FHIT: variants seen among roughly 807,000 people sequenced by gnomAD.
The protein encoded by FHIT is bis(5'-adenosyl)-triphosphatase.
A neutral mutation model predicts 17.9 loss-of-function variants in FHIT; 19 were observed. That is an observed-to-expected ratio of 1.06 (90% CI 0.74 to 1.56). FHIT has a LOEUF of 1.56. Ranked by LOEUF, FHIT falls within the 40% of genes most tolerant of loss-of-function variation. The pLI, the probability that FHIT is intolerant of heterozygous loss-of-function variation, is 0.00. For missense variants in FHIT, 248 were observed against 189.2 expected (o/e 1.31, Z -1.82); for synonymous variants, 81 against 69.7 (o/e 1.16, Z -0.81).
chr3:59,845,023 T>A (rs562741335), intron 8 of FHIT, among the ~76,000 whole-genome samples: 1 of 152,154 alleles, frequency 6.6e-6, no homozygotes, highest in African/African-American at 2.4e-5. Flanking sequence ...ATAGGTTTTG[T>A]GTTTCTAGGA....
intron 3 of FHIT, among the ~76,000 whole-genome samples, chr3:60,861,190 T>TATATCATATATATC (rs1703819558): frequency 3.3e-4 from 1 of 2,988 alleles, no homozygotes; most frequent in Non-Finnish European, 6.1e-4. Flanking sequence ...ATATATGATA[T>TATATCATATATATC]ATATCATATA....
intron 5 of FHIT, among the ~76,000 whole-genome samples, chr3:60,512,723 C>G (rs6446129): frequency 0.16 from 24,157 of 151,940 alleles, 2,236 homozygotes; most frequent in Middle Eastern, 0.25. Flanking sequence ...GGTGTCCTTG[C>G]CAAAAATGGT....
chr3:60,707,952 T>C (rs2041416591), intron 4 of FHIT, among the ~76,000 whole-genome samples: 1 of 152,216 alleles, frequency 6.6e-6, no homozygotes, highest in Non-Finnish European at 1.5e-5. Context: ...GGCATTTTGT[T>C]ACGTGAATAC....
At chr3:60,537,489 T>C in intron 4 of FHIT, 1 of 981,108 alleles carries the variant, frequency 1.0e-6, no homozygotes, top group Non-Finnish European at 1.2e-6. Context: ...CATGAGCACT[T>C]CCAGAGAACT....
chr3:60,083,145 G>C (rs2107054268), intron 5 of FHIT, among the ~76,000 whole-genome samples: 1 of 152,170 alleles, frequency 6.6e-6, no homozygotes, highest in African/African-American at 2.4e-5. Context: ...TTTGTATATG[G>C]TGAAAGGTAG....
At chr3:60,246,014 G>A (rs1370446932) in intron 5 of FHIT, among the ~76,000 whole-genome samples, 2 of 152,010 alleles carry the variant, frequency 1.3e-5, no homozygotes, top group Non-Finnish European at 2.9e-5. Flanking sequence ...TTATGTTAAA[G>A]TAAACTGTTT....
rs1386597095 is a variant in FHIT at position 60,181,136 on chromosome 3, ATTTT to A, written c.104-166988_104-166985del. ...TCTACAATCATTACACAGATTACAA[ATTTT>A]TTTAATTTTTTTTTTTTTTTTTTTG... On this transcript the variant is annotated intron_variant, in intron 5 of 9. Transcript: ENST00000492590. 3.7e-5 allele frequency among the ~76,000 whole-genome samples: 5 copies of A among 134,728 alleles called. No individual in the cohort carries two copies. In the East Asian group the frequency reaches 1.0e-3, roughly 27 times the overall value. The allele number at this position is 134,728 out of a possible 152,430, so 88.4% of individuals were successfully genotyped here. A position where few individuals can be genotyped will look rare whatever the true frequency, so the allele number is the denominator to read the frequency against.
intron 5 of FHIT, among the ~76,000 whole-genome samples, chr3:60,094,198 CA>C (rs1449828965): frequency 1.2e-4 from 18 of 152,144 alleles, no homozygotes; most frequent in African/African-American, 3.6e-4. Flanking sequence ...CATTTTGTTA[CA>C]TTTTTTTATA....
rs572003514 is a variant in FHIT, at chr3:60,187,011, T to G, written c.104-172859A>C. On this transcript the variant is annotated intron_variant, in intron 5 of 9. Transcript: ENST00000492590. ...ATGCCCGTAGAGTGTTGAGGCCTAT[T>G]TTATCAAAACTGAAATAGCTCGTGA... is the stretch of plus-strand genomic sequence containing the variant. Among the ~76,000 whole-genome samples the G allele has an allele frequency of 4.5e-4, 69 of 152,300 alleles. 2 individuals carry two copies. In the South Asian group the frequency reaches 0.014, roughly 30 times the overall value.
At position 60,262,754 on chromosome 3, in the gene FHIT, T is replaced by A. The variant is rs553596467; in HGVS notation, c.104-248602A>T. 5.7e-4 allele frequency among the ~76,000 whole-genome samples: 87 copies of A among 151,710 alleles called. 1 individual carries two copies. Among genetic ancestry groups the A allele is most frequent in the African/African-American group, 2.0e-3 (81 of 41,424 alleles). Reference sequence around the variant, plus strand: ...CTGAAATTCCCTGACGGCAAAACAATCCCAGCTGTGAATCTCTTACCTAAA... The same window carrying A: ...CTGAAATTCCCTGACGGCAAAACAAACCCAGCTGTGAATCTCTTACCTAAA... On this transcript the variant is annotated intron_variant, in intron 5 of 9. Transcript: ENST00000492590.
chr3:60,232,827 T>C (rs1444043190), intron 5 of FHIT, among the ~76,000 whole-genome samples: 1 of 152,236 alleles, frequency 6.6e-6, no homozygotes. Context: ...GAGCTCATTT[T>C]AAAGCTGCAA....
intron 5 of FHIT, among the ~76,000 whole-genome samples, chr3:60,196,653 C>T (rs905318123): frequency 3.3e-5 from 5 of 151,970 alleles, no homozygotes; most frequent in East Asian, 1.9e-4. Flanking sequence ...TAAGTGCAGA[C>T]GGAAGCAGCA....
chr3:60,271,164 C>G (rs1706849895), intron 5 of FHIT, among the ~76,000 whole-genome samples: 1 of 152,090 alleles, frequency 6.6e-6, no homozygotes, highest in Non-Finnish European at 1.5e-5. Flanking sequence ...CTTTGGGAAA[C>G]AAAGGTGGGC....
intron 5 of FHIT, among the ~76,000 whole-genome samples, chr3:60,477,031 T>G (rs1487657696): frequency 2.0e-5 from 3 of 152,154 alleles, no homozygotes; most frequent in African/African-American, 4.8e-5. Context: ...TTCGTTTACA[T>G]GCATATGCTG....
intron 5 of FHIT, among the ~76,000 whole-genome samples, chr3:60,185,254 G>GA (rs35292894): frequency 1.7e-3 from 257 of 147,740 alleles, no homozygotes; most frequent in African/African-American, 5.1e-3. Context: ...ATGGTGTGGG[G>GA]AAAAAAAAAA....
intron 3 of FHIT, among the ~76,000 whole-genome samples, chr3:60,832,725 T>G: frequency 6.6e-6 from 1 of 151,792 alleles, no homozygotes; most frequent in Admixed American, 6.6e-5. Context: ...ATAAAAGTCG[T>G]TTTTCCTGTT....
chr3:60,166,045 A>G (rs1317272864), intron 5 of FHIT, among the ~76,000 whole-genome samples: 2 of 152,148 alleles, frequency 1.3e-5, no homozygotes, highest in African/African-American at 4.8e-5. Flanking sequence ...TCTCACATTC[A>G]TCAAGGAAAG....
intron 8 of FHIT, among the ~76,000 whole-genome samples, chr3:59,755,945 G>C (rs1301693071): frequency 2.0e-5 from 3 of 152,190 alleles, no homozygotes; most frequent in South Asian, 2.1e-4. Context: ...AAGAACAAAA[G>C]TTCCTTTAAT....
chr3:61,153,074 CG>C (rs2037439838), intron 2 of FHIT, among the ~76,000 whole-genome samples: 1 of 145,896 alleles, frequency 6.9e-6, no homozygotes, highest in South Asian at 2.2e-4. Context: ...ACCTGGGAGG[CG>C]GAGGCTGCAG....
Sources: allele counts gnomAD v4.1 joint callset (sites outside exome capture counted in the v4.1 genomes callset), GRCh38; gene constraint gnomAD v4.1.1; transcripts MANE v1.5; gene names NCBI Gene and HGNC (gene_info 2026-07-23, HGNC 2026-07-21).